The following ATF1 variants were observed in gnomAD, a reference collection of about 807,000 sequenced individuals.
ATF1 encodes activating transcription factor 1, also known as cyclic AMP-dependent transcription factor ATF-1.
In ATF1, 16 loss-of-function variants were observed where a neutral mutation model predicts 34.7. That is an observed-to-expected ratio of 0.46 (90% CI 0.31 to 0.70). The LOEUF is 0.70. Ranked by LOEUF, ATF1 falls within the 30% of genes least tolerant of loss-of-function variation. ATF1 has a pLI of 0.05. For synonymous variants in ATF1, 105 were observed against 113.1 expected, an observed-to-expected ratio of 0.93 and a Z score of 0.46; for missense variants, 255 against 321.6, an observed-to-expected ratio of 0.79 and a Z score of 1.58.
At chr12:50,774,458 C>T (rs1940860258) in intron 1 of ATF1, among the ~76,000 whole-genome samples, 1 of 152,170 alleles carries the variant, frequency 6.6e-6, no homozygotes, top group African/African-American at 2.4e-5. Flanking sequence ...TGTTTCACTA[C>T]TCCCTTGTTT....
At chr12:50,779,302 C>G (rs1029379577) in intron 1 of ATF1, among the ~76,000 whole-genome samples, 12 of 152,166 alleles carry the variant, frequency 7.9e-5, no homozygotes, top group African/African-American at 2.7e-4. Context: ...TGAAATTGCT[C>G]TATTTTTGTT....
rs1168202966 is a variant in ATF1 at position 50,782,550 on chromosome 12, C to T, written c.93+2312C>T. ...GATTACAGGCCTGAGCCACCACACCCGGCCTTTTTTTTTTTTTTTTTTTTA... is the reference window on the plus strand; with the variant it reads ...GATTACAGGCCTGAGCCACCACACCTGGCCTTTTTTTTTTTTTTTTTTTTA... On this transcript the variant is annotated intron_variant, in intron 2 of 6. Coordinates refer to ENST00000262053, the MANE Select transcript of ATF1 (RefSeq NM_005171.5). Among the ~76,000 whole-genome samples, 3 of 139,330 alleles carry T rather than the reference C, an allele frequency of 2.2e-5. No individual in the cohort carries two copies. In the South Asian group the frequency reaches 6.6e-4, roughly 31 times the overall value. The allele number at this position is 139,330 out of a possible 152,430, so 91.4% of individuals were successfully genotyped here.
intron 3 of ATF1, among the ~76,000 whole-genome samples, chr12:50,803,495 A>G (rs1435854742): frequency 3.1e-5 from 4 of 131,054 alleles, no homozygotes; most frequent in Admixed American, 2.9e-4. Context: ...GCTGGTAAGA[A>G]TGTAAAAAAA....
At chr12:50,773,560 G>A (rs1485792780) in intron 1 of ATF1, among the ~76,000 whole-genome samples, 3 of 144,430 alleles carry the variant, frequency 2.1e-5, no homozygotes, top group Non-Finnish European at 4.5e-5. Flanking sequence ...CTCCCAAGTA[G>A]CTGGGACCAC....
At chr12:50,785,046 C>A (rs571641073) in intron 2 of ATF1, among the ~76,000 whole-genome samples, 2 of 145,842 alleles carry the variant, frequency 1.4e-5, no homozygotes, top group African/African-American at 2.5e-5. Flanking sequence ...ATCCCTCCCC[C>A]CTCCCCGCTG....
intron 1 of ATF1, among the ~76,000 whole-genome samples, chr12:50,768,187 C>T (rs1164394513): frequency 6.6e-6 from 1 of 152,000 alleles, no homozygotes; most frequent in East Asian, 1.9e-4. Context: ...TTTGCACTTC[C>T]GTGGCAACAG....
Position 50,820,190 on chromosome 12 carries a change from G to GTAAT in ATF1, c.*413_*416dup, listed in dbSNP as rs2139704770. ...GTTATATATATGTGTGTGTGTGTGTGTAATTTCTGCCAATAAATTCTAAAT... is the reference window on the plus strand; with the variant it reads ...GTTATATATATGTGTGTGTGTGTGTGTAATTAATTTCTGCCAATAAATTCTAAAT... On this transcript the variant is annotated 3_prime_UTR_variant, in exon 7 of 7. Coordinates refer to ENST00000262053, the MANE Select transcript of ATF1 (RefSeq NM_005171.5). 4.8e-6 allele frequency: 1 copy of GTAAT among 210,032 alleles called. No homozygotes were observed. The highest frequency in any genetic ancestry group is 5.8e-5 in the Admixed American group (1 of 17,112). The allele number at this position is 210,032 out of a possible 1,614,324, so 13.0% of individuals were successfully genotyped here.
At chr12:50,773,466 T>TTTTC (rs1156858215) in intron 1 of ATF1, among the ~76,000 whole-genome samples, 3 of 149,476 alleles carry the variant, frequency 2.0e-5, no homozygotes, top group African/African-American at 4.9e-5. Context: ...TTTTTTTTTT[T>TTTTC]CGAGACAAAG....
intron 3 of ATF1, among the ~76,000 whole-genome samples, chr12:50,807,730 TTTC>T (rs1181112498): frequency 1.3e-5 from 2 of 152,122 alleles, no homozygotes; most frequent in Non-Finnish European, 2.9e-5. Flanking sequence ...TTCTTAAGCA[TTTC>T]TTTTTTCTTT....
chr12:50,769,885 G>A (rs1940730442), intron 1 of ATF1, among the ~76,000 whole-genome samples: 3 of 152,156 alleles, frequency 2.0e-5, no homozygotes, highest in Non-Finnish European at 4.4e-5. Context: ...CATTAGAATA[G>A]AGGAAACAAC....
intron 1 of ATF1, among the ~76,000 whole-genome samples, chr12:50,768,263 A>G (rs1023224850): frequency 2.6e-5 from 4 of 152,142 alleles, no homozygotes; most frequent in South Asian, 2.1e-4. Context: ...GACTTTGTCT[A>G]TTCTCTTCTC....
intron 4 of ATF1, among the ~76,000 whole-genome samples, chr12:50,813,161 T>C (rs1941772469): frequency 6.6e-6 from 1 of 152,198 alleles, no homozygotes; most frequent in East Asian, 1.9e-4. Context: ...AACACAGGTA[T>C]AATTCAGTGA....
intron 1 of ATF1, among the ~76,000 whole-genome samples, chr12:50,778,697 C>T (rs10876087): frequency 0.35 from 52,675 of 151,790 alleles, 9,387 homozygotes; most frequent in Non-Finnish European, 0.39. Context: ...AAGCAATTCT[C>T]GTGCCTTAGC....
intron 1 of ATF1, among the ~76,000 whole-genome samples, chr12:50,766,716 T>G (rs1405059961): frequency 6.8e-6 from 1 of 148,118 alleles, no homozygotes; most frequent in East Asian, 2.0e-4. Context: ...GTCCCTTTGC[T>G]GCGTACAAGC....
chr12:50,789,230 G>A (rs866217264), intron 2 of ATF1, among the ~76,000 whole-genome samples: 2 of 151,946 alleles, frequency 1.3e-5, no homozygotes, highest in African/African-American at 2.4e-5. Context: ...ACCATGCCCC[G>A]CTAATTTTTG....
chr12:50,772,829 C>T (rs1940810518), intron 1 of ATF1, among the ~76,000 whole-genome samples: 1 of 152,042 alleles, frequency 6.6e-6, no homozygotes, highest in African/African-American at 2.4e-5. Context: ...TAAACATGTG[C>T]CATGATGGTT....
Position 50,814,193 on chromosome 12 carries a change from G to A in ATF1, c.511+1G>A. The A allele has an allele frequency of 6.2e-7, 1 of 1,613,824 alleles. No individual in the cohort carries two copies. On this transcript the variant is annotated splice_donor_variant, in intron 5 of 6. Transcript: ENST00000262053. LOFTEE classifies it high-confidence loss of function. ...CCCAGCAATCAGGTGGTCGTACAAA[G>A]TAAGTATGCTTTCTGTCTACAGAAA...
At chr12:50,796,881 T>C (rs950391416) in intron 3 of ATF1, among the ~76,000 whole-genome samples, 4 of 151,968 alleles carry the variant, frequency 2.6e-5, no homozygotes, top group Admixed American at 2.6e-4. Flanking sequence ...ACCAAAAGCT[T>C]AGGCTACAAA....
intron 1 of ATF1, among the ~76,000 whole-genome samples, chr12:50,773,591 AT>A (rs35015609): frequency 8.2e-5 from 12 of 146,340 alleles, no homozygotes; most frequent in East Asian, 2.0e-4. Flanking sequence ...GATGCCAGCT[AT>A]TTTTTTTTTT....
Sources: allele counts gnomAD v4.1 joint callset (sites outside exome capture counted in the v4.1 genomes callset), GRCh38; gene constraint gnomAD v4.1.1; transcripts MANE v1.5; gene names NCBI Gene and HGNC (gene_info 2026-07-23, HGNC 2026-07-21).